The following GKAP1 variants were observed in gnomAD, a reference collection of about 807,000 sequenced individuals.
GKAP1 encodes G kinase anchoring protein 1, also known as G kinase-anchoring protein 1.
A neutral mutation model predicts 56.7 loss-of-function variants in GKAP1; 31 were observed. The ratio of observed to expected loss-of-function variants is 0.55; its 90% CI spans 0.41 to 0.74. The LOEUF (loss-of-function observed/expected upper bound fraction) is 0.74, where lower values mean the gene tolerates loss of function less well. Among genes scored for constraint, GKAP1 ranks in the 30% least tolerant of loss-of-function variants. The probability of loss-of-function intolerance (pLI) is 0.00; values close to 1 mark genes in which losing one functional copy is unlikely to be tolerated. For missense variants in GKAP1, 364 were observed against 402.3 expected (o/e 0.90, Z 0.82); for synonymous variants, 151 against 138.6 (o/e 1.09, Z -0.63).
Position 83,799,241 on chromosome 9 carries a change from C to A in GKAP1, c.304G>T (p.Val102Leu), listed in dbSNP as rs758960643. 14 of 1,611,712 alleles carry A rather than the reference C, an allele frequency of 8.7e-6. No homozygotes were observed. Among genetic ancestry groups the A allele is most frequent in the Non-Finnish European group, 4.2e-6 (5 of 1,179,218 alleles). ...AQHDLPLSNP[V>L]QKDSREENWQ... ...TTTTCTTCTCGTGAATCCTTCTGTA[C>A]TGGGTTTGACAATGGAAGATCATGT... Residue 102 changes from valine (V) to leucine (L), a missense_variant, in exon 4 of 13, where the codon GTA (valine) becomes TTA (leucine). Transcript: ENST00000376371.
chr9:83,815,357 C>T lies in GKAP1; in HGVS notation c.-44+1639G>A, dbSNP rs563788094. 1.0e-3 allele frequency among the ~76,000 whole-genome samples: 156 copies of T among 151,734 alleles called. 1 individual carries two copies. The highest frequency in any genetic ancestry group is 1.9e-3 in the Non-Finnish European group (127 of 67,944). On this transcript the variant is annotated intron_variant, in intron 2 of 12. Coordinates refer to ENST00000376371, the MANE Select transcript of GKAP1 (RefSeq NM_025211.4). ...AAACTCCTGAGCTCAAGCAATCCTC[C>T]AGCCTCGGCCTCCCAAAGGGCTGGG...
chr9:83,788,881 T>C, intron 4 of GKAP1: 2 of 375,192 alleles, frequency 5.3e-6, no homozygotes, highest in Non-Finnish European at 9.5e-6. Context: ...AATTTTGAGA[T>C]TTCCATTTCT....
chr9:83,750,171 T>C (rs1943364626), intron 9 of GKAP1, among the ~76,000 whole-genome samples: 1 of 152,190 alleles, frequency 6.6e-6, no homozygotes, highest in Non-Finnish European at 1.5e-5. Context: ...ATGAGCATGA[T>C]TACCTGTGAC....
At chr9:83,755,863 G>A (rs1418313808) in intron 8 of GKAP1, among the ~76,000 whole-genome samples, 5 of 147,004 alleles carry the variant, frequency 3.4e-5, no homozygotes, top group Non-Finnish European at 5.9e-5. Flanking sequence ...AGAGTACGGT[G>A]GTGTGATCTC....
At chr9:83,798,336 C>A (rs1046698070) in intron 4 of GKAP1, among the ~76,000 whole-genome samples, 13 of 152,104 alleles carry the variant, frequency 8.5e-5, no homozygotes, top group Admixed American at 7.2e-4. Flanking sequence ...ATGTTATTTT[C>A]CTGGACTCCA....
chr9:83,746,898 T>C (rs1209069225), intron 10 of GKAP1, among the ~76,000 whole-genome samples: 1 of 152,234 alleles, frequency 6.6e-6, no homozygotes, highest in African/African-American at 2.4e-5. Flanking sequence ...GGGGAACCCA[T>C]GGATATGGAG....
At chr9:83,758,374 A>G (rs1364477712) in intron 8 of GKAP1, among the ~76,000 whole-genome samples, 2 of 152,168 alleles carry the variant, frequency 1.3e-5, no homozygotes, top group Non-Finnish European at 2.9e-5. Flanking sequence ...AACTAGATTC[A>G]TTATTGTTGT....
intron 7 of GKAP1, among the ~76,000 whole-genome samples, chr9:83,775,191 G>C (rs1425272566): frequency 6.6e-6 from 1 of 152,032 alleles, no homozygotes; most frequent in Non-Finnish European, 1.5e-5. Flanking sequence ...AAAATTTTTA[G>C]AGATGGGATC....
chr9:83,759,912 A>T (rs549894184), intron 8 of GKAP1, among the ~76,000 whole-genome samples: 1 of 152,320 alleles, frequency 6.6e-6, no homozygotes, highest in South Asian at 2.1e-4. Context: ...CTAAATTATA[A>T]ACCAGCCTTT....
At chr9:83,753,069 CA>C (rs1943418895) in intron 9 of GKAP1, among the ~76,000 whole-genome samples, 188 bp downstream of exon 9, 1 of 103,656 alleles carries the variant, frequency 9.6e-6, no homozygotes, top group South Asian at 3.7e-4. Context: ...CAAACAACAA[CA>C]ACAACAACAA....
rs1448707804 is a variant in GKAP1 at position 83,817,083 on chromosome 9, T to C, written c.-131A>G. The C allele has an allele frequency of 6.6e-6, 1 of 152,118 alleles. No homozygotes were observed. The highest frequency in any genetic ancestry group is 1.5e-5 in the Non-Finnish European group (1 of 68,000). 9.4% of individuals were successfully genotyped at this position (152,118 alleles called of 1,614,324 possible). A position where few individuals can be genotyped will look rare whatever the true frequency, so the allele number is the denominator to read the frequency against. Reference sequence around the variant, plus strand: ...TCGCAAAGTACATAGAGAAAGAAATTGCGCTGGGCGAAACCTAACTCGGGC... The same window carrying C: ...TCGCAAAGTACATAGAGAAAGAAATCGCGCTGGGCGAAACCTAACTCGGGC... On this transcript the variant is annotated 5_prime_UTR_variant, in exon 2 of 13. Transcript: ENST00000376371.
At chr9:83,783,019 G>A (rs1279994214) in intron 6 of GKAP1, among the ~76,000 whole-genome samples, 2 of 152,152 alleles carry the variant, frequency 1.3e-5, no homozygotes, top group East Asian at 3.8e-4. Flanking sequence ...CCAAAACAAA[G>A]CAACTTAATC....
chr9:83,774,289 G>C (rs1163745490), intron 7 of GKAP1, among the ~76,000 whole-genome samples: 4 of 151,858 alleles, frequency 2.6e-5, no homozygotes, highest in Non-Finnish European at 5.9e-5. Context: ...TTGGGAAAGA[G>C]TTTATGACCA....
intron 8 of GKAP1, among the ~76,000 whole-genome samples, chr9:83,768,172 A>T (rs761576746): frequency 1.3e-5 from 2 of 152,172 alleles, no homozygotes; most frequent in Non-Finnish European, 2.9e-5. Context: ...CTATGTCTCC[A>T]GTCATGTCAT....
intron 2 of GKAP1, among the ~76,000 whole-genome samples, chr9:83,812,315 A>G: frequency 6.8e-6 from 1 of 146,792 alleles, no homozygotes; most frequent in South Asian, 2.1e-4. Context: ...ATACATATAT[A>G]TGTATATATA....
intron 7 of GKAP1, among the ~76,000 whole-genome samples, chr9:83,775,746 G>T (rs1475009072): frequency 6.6e-6 from 1 of 151,280 alleles, no homozygotes; most frequent in Non-Finnish European, 1.5e-5. Context: ...GTGGTGCTGG[G>T]CGCCTGTAAT....
chr9:83,758,751 A>G (rs540378145), intron 8 of GKAP1, among the ~76,000 whole-genome samples: 1 of 152,200 alleles, frequency 6.6e-6, no homozygotes, highest in African/African-American at 2.4e-5. Flanking sequence ...CTCCAAAAAA[A>G]AAAAAAACTG....
In GKAP1 at chr9:83,741,358, TCTCACACACA is replaced by T. The variant is rs1206720414; in HGVS notation, c.1053+584_1053+593del. ...ATATATACACACACATAAATATATC[TCTCACACACA>T]CACACACACACACACACACACACAA... On this transcript the variant is annotated intron_variant, in intron 12 of 12. Transcript: ENST00000376371. Among the ~76,000 whole-genome samples the T allele has an allele frequency of 3.4e-4, 50 of 147,660 alleles. No individual in the cohort carries two copies. The Middle Eastern group carries it at 0.01, about 31-fold the overall frequency.
At chr9:83,792,655 T>C (rs1587729076) in intron 4 of GKAP1, among the ~76,000 whole-genome samples, 1 of 152,196 alleles carries the variant, frequency 6.6e-6, no homozygotes, top group South Asian at 2.1e-4. Flanking sequence ...TTCAAAATTC[T>C]CTAAACATAT....
Sources: allele counts gnomAD v4.1 joint callset (sites outside exome capture counted in the v4.1 genomes callset), GRCh38; gene constraint gnomAD v4.1.1; transcripts MANE v1.5; gene names NCBI Gene and HGNC (gene_info 2026-07-23, HGNC 2026-07-21).